Variants in C2orf42 observed in about 807,000 individuals in gnomAD.
C2orf42 encodes the protein uncharacterized protein C2orf42.
In C2orf42, 44 loss-of-function variants were observed where a neutral mutation model predicts 58.9. The ratio of observed to expected loss-of-function variants is 0.75; its 90% confidence interval spans 0.59 to 0.96. The LOEUF is 0.96. C2orf42 is among the 40% of genes least tolerant of loss of function. C2orf42 has a pLI of 0.00. For synonymous variants in C2orf42, 239 were observed against 265.4 expected (o/e 0.90, Z 0.97); for missense variants, 630 against 699.2 (o/e 0.90, Z 1.12).
At chr2:70,179,727 C>A (rs1674426685) in intron 3 of C2orf42, 85 bp from the exon 4 acceptor site, 2 of 507,804 alleles carry the variant, frequency 3.9e-6, no homozygotes, top group Non-Finnish European at 3.6e-6. Context: ...AAGTTAATTT[C>A]TTTTTAAAAA....
chr2:70,169,690 C>T (rs1206739598), intron 5 of C2orf42, 29 bp from the exon 6 acceptor site: 1 of 978,958 alleles, frequency 1.0e-6, no homozygotes, highest in Admixed American at 1.9e-5. Flanking sequence ...CACATACACA[C>T]TTCTTTAGTA....
At chr2:70,172,139 G>A (rs1019110510) in intron 5 of C2orf42, among the ~76,000 whole-genome samples, 31 of 150,826 alleles carry the variant, frequency 2.1e-4, no homozygotes, top group African/African-American at 6.8e-4. Context: ...CAGGAGAATC[G>A]CTTGAGCCCA....
At position 70,181,965 on chromosome 2, in the gene C2orf42, C is replaced by A; in HGVS notation, c.21G>T (p.Arg7Ser). 6.2e-7 allele frequency: 1 copy of A among 1,610,386 alleles called. No individual in the cohort carries two copies. Among genetic ancestry groups the A allele is most frequent in the Non-Finnish European group, 8.5e-7 (1 of 1,177,660 alleles). ...CAGATAAGAAAGCTGGGACTTTAGTCCTCAGAGAATTTGGTTCCATTTTTC... is the reference window on the plus strand; with the variant it reads ...CAGATAAGAAAGCTGGGACTTTAGTACTCAGAGAATTTGGTTCCATTTTTC... The part of the protein sequence containing the change: MEPNSL[R>S]TKVPAFLSDL... Residue 7 changes from arginine to serine, a missense_variant, in exon 3 of 10, where the codon AGG becomes AGT. Transcript: ENST00000264434.
At chr2:70,174,110 C>G (rs1366880678) in intron 5 of C2orf42, among the ~76,000 whole-genome samples, 3 of 152,016 alleles carry the variant, frequency 2.0e-5, no homozygotes, top group Non-Finnish European at 4.4e-5. Context: ...GAGTTTGAGA[C>G]CAGCCTGGAC....
At chr2:70,151,123 G>T (rs1032877390) in intron 9 of C2orf42, among the ~76,000 whole-genome samples, 2 of 152,196 alleles carry the variant, frequency 1.3e-5, no homozygotes, top group Non-Finnish European at 2.9e-5. Flanking sequence ...TGGGCAAGGC[G>T]AGAGGATAGC....
At chr2:70,171,801 C>T (rs2104922309) in intron 5 of C2orf42, among the ~76,000 whole-genome samples, 1 of 152,032 alleles carries the variant, frequency 6.6e-6, no homozygotes, top group Middle Eastern at 3.4e-3. Context: ...TGAGCCACTG[C>T]ACCCAGCCAA....
intron 3 of C2orf42, among the ~76,000 whole-genome samples, chr2:70,179,852 C>A (rs991052369): frequency 1.6e-4 from 24 of 152,032 alleles, no homozygotes; most frequent in Admixed American, 4.6e-4. Context: ...GTGGGAGGAT[C>A]ACTTTAGCCC....
At chr2:70,159,720 A>G (rs542298625) in intron 9 of C2orf42, among the ~76,000 whole-genome samples, 1 of 152,300 alleles carries the variant, frequency 6.6e-6, no homozygotes, top group Admixed American at 6.5e-5. Flanking sequence ...TTCTTTTAGT[A>G]AAGTGGGGGT....
At chr2:70,188,622 C>T (rs1329540446) in intron 1 of C2orf42, among the ~76,000 whole-genome samples, 1 of 152,156 alleles carries the variant, frequency 6.6e-6, no homozygotes, top group African/African-American at 2.4e-5. Flanking sequence ...AAACATGGGA[C>T]ATTTGTCAAA....
rs1672214873 is a variant in C2orf42 at position 70,150,142 on chromosome 2, A to G, written c.*214T>C. On this transcript the variant is annotated 3_prime_UTR_variant, in exon 10 of 10. Transcript: ENST00000264434. ...AAACTCTAGCCAGAAATACTGCCCA[A>G]TGCATAATGAAGACTGTACACAGCA... 2 of 580,042 alleles carry G rather than the reference A, an allele frequency of 3.4e-6. No homozygotes were observed. Among genetic ancestry groups the G allele is most frequent in the Admixed American group, 3.1e-5 (1 of 32,440 alleles). 35.9% of individuals were successfully genotyped at this position (580,042 alleles called of 1,614,324 possible). A position where few individuals can be genotyped will look rare whatever the true frequency, so the allele number is the denominator to read the frequency against.
chr2:70,168,242 G>A (rs910319197), intron 6 of C2orf42, among the ~76,000 whole-genome samples: 9 of 150,950 alleles, frequency 6.0e-5, no homozygotes, highest in Non-Finnish European at 1.0e-4. Context: ...TCAGCCTCCT[G>A]AGTAGTTGGG....
chr2:70,179,680 C>T (rs759057388), intron 3 of C2orf42, 38 bp from the exon 4 acceptor site: 16 of 868,294 alleles, frequency 1.8e-5, no homozygotes, highest in Non-Finnish European at 3.1e-5. Context: ...TAATCCTATC[C>T]AAGGGTAAGT....
rs561839600 is a variant in C2orf42 at position 70,152,025 on chromosome 2, C to T, written c.1517-1461G>A. ...CTCCTGACCTCTGATGATCCTCCCA[C>T]CTCAGCCTCCCAGAGTGTGGGGATT... On this transcript the variant is annotated intron_variant, in intron 9 of 9. Transcript: ENST00000264434. Among the ~76,000 whole-genome samples, 33 of 152,290 alleles carry T rather than the reference C, an allele frequency of 2.2e-4. No homozygotes were observed. The South Asian group carries it at 6.4e-3, about 30-fold the overall frequency.
At chr2:70,151,970 T>C (rs1055286109) in intron 9 of C2orf42, among the ~76,000 whole-genome samples, 3 of 151,796 alleles carry the variant, frequency 2.0e-5, no homozygotes, top group Non-Finnish European at 4.4e-5. Context: ...AGAGACAGGG[T>C]TTCAGCAGGT....
At chr2:70,160,894 A>G in intron 8 of C2orf42, 107 bp from the exon 9 acceptor site, 1 of 702,210 alleles carries the variant, frequency 1.4e-6, no homozygotes, top group Non-Finnish European at 2.3e-6. Context: ...CTTGTTAAGT[A>G]TATTCAAATG....
chr2:70,161,445 G>A (rs1044410444), intron 8 of C2orf42, among the ~76,000 whole-genome samples: 2 of 152,116 alleles, frequency 1.3e-5, no homozygotes, highest in African/African-American at 4.8e-5. Context: ...TCCATTCCAG[G>A]CTAAAAACTG....
intron 5 of C2orf42, among the ~76,000 whole-genome samples, chr2:70,173,309 T>A: frequency 7.0e-6 from 1 of 143,796 alleles, no homozygotes; most frequent in Non-Finnish European, 1.5e-5. Context: ...AGTCTCACTC[T>A]GTTGCCCAGG....
In C2orf42 at chr2:70,189,814, T is replaced by C. The variant is rs112137664; in HGVS notation, c.-282+1159A>G. Among the ~76,000 whole-genome samples the C allele has an allele frequency of 2.6e-3, 389 of 149,824 alleles. 1 individual carries two copies. The highest frequency in any genetic ancestry group is 9.1e-3 in the African/African-American group (371 of 40,650). ...GGCTGAGGCGGGAGGATCACTGAGCTCAGGAGTTCAAGACCAGCCTGGGCA... is the reference window on the plus strand; with the variant it reads ...GGCTGAGGCGGGAGGATCACTGAGCCCAGGAGTTCAAGACCAGCCTGGGCA... On this transcript the variant is annotated intron_variant, in intron 1 of 9. Coordinates refer to ENST00000264434, the MANE Select transcript of C2orf42 (RefSeq NM_017880.3).
chr2:70,181,301 G>C lies in C2orf42; in HGVS notation c.685C>G (p.Leu229Val). 6.2e-7 allele frequency: 1 copy of C among 1,614,010 alleles called. No individual in the cohort carries two copies. The highest frequency in any genetic ancestry group is 8.5e-7 in the Non-Finnish European group (1 of 1,179,928). The change falls in exon 3 of 10, where the codon CTG becomes GTG. Residue 229 changes from leucine to valine, a missense_variant. Transcript: ENST00000264434. ...GAGGCATTTGACTTGTGCGATTTCA[G>C]AGTCTGACAGGAGCAGAAGAAGCGG... is the stretch of plus-strand genomic sequence containing the variant. Reference protein sequence around the residue: ...ERRFFCSCQTLKSHKSNASKD... With the variant: ...ERRFFCSCQTVKSHKSNASKD...
Sources: gnomAD v4.1 joint callset for allele counts (sites outside exome capture counted in the v4.1 genomes callset) on GRCh38, gnomAD v4.1.1 for gene constraint, MANE v1.5 for transcripts, NCBI Gene and HGNC (gene_info 2026-07-23, HGNC 2026-07-21) for gene names.